Variants in TMEM132D observed in about 807,000 individuals in gnomAD.
TMEM132D encodes the protein mature OL transmembrane protein.
TMEM132D carries 21 observed loss-of-function variants against 62.3 expected under a neutral mutation model. That is an observed-to-expected ratio of 0.34 (90% confidence interval 0.24 to 0.49). TMEM132D has a LOEUF of 0.49. Among genes scored for constraint, TMEM132D ranks in the 20% least tolerant of loss-of-function variants. TMEM132D has a pLI of 0.99. For missense variants in TMEM132D, 1,346 were observed against 1,402.8 expected, an observed-to-expected ratio of 0.96 and a Z score of 0.65; for synonymous variants, 621 against 575.6, an observed-to-expected ratio of 1.08 and a Z score of -1.13.
chr12:129,139,952 G>T (rs1314440672), intron 5 of TMEM132D, among the ~76,000 whole-genome samples: 2 of 151,986 alleles, frequency 1.3e-5, no homozygotes, highest in Admixed American at 1.3e-4. Context: ...CTGGGCTCAA[G>T]CTATCCTCCC....
At chr12:129,147,406 T>C (rs1174277850) in intron 5 of TMEM132D, among the ~76,000 whole-genome samples, 1 of 151,824 alleles carries the variant, frequency 6.6e-6, no homozygotes, top group Non-Finnish European at 1.5e-5. Flanking sequence ...TACGTGAGCA[T>C]AAAAATCCTC....
chr12:129,652,095 C>A (rs11060481), intron 2 of TMEM132D, among the ~76,000 whole-genome samples: 394 of 152,230 alleles, frequency 2.6e-3, no homozygotes, highest in Middle Eastern at 6.8e-3. Flanking sequence ...TGTATAATCT[C>A]CAATAGCACT....
At chr12:129,114,554 A>T (rs568652355) in intron 5 of TMEM132D, among the ~76,000 whole-genome samples, 1 of 152,284 alleles carries the variant, frequency 6.6e-6, no homozygotes, top group East Asian at 1.9e-4. Flanking sequence ...CTAAGTGTAC[A>T]AATCATGAAC....
intron 5 of TMEM132D, among the ~76,000 whole-genome samples, chr12:129,182,479 A>C (rs11060185): frequency 0.43 from 64,927 of 151,580 alleles, 14,184 homozygotes; most frequent in East Asian, 0.57. Flanking sequence ...CTCTGCAGGG[A>C]AGGCTGGTAG....
At chr12:129,656,745 ACTTT>A (rs1880092644) in intron 2 of TMEM132D, among the ~76,000 whole-genome samples, 1 of 152,198 alleles carries the variant, frequency 6.6e-6, no homozygotes, top group African/African-American at 2.4e-5. Flanking sequence ...TGCTTGAAAC[ACTTT>A]TTTTCTTTTG....
intron 1 of TMEM132D, among the ~76,000 whole-genome samples, chr12:129,792,035 G>A (rs1378505984): frequency 1.3e-5 from 2 of 152,180 alleles, no homozygotes; most frequent in Admixed American, 6.5e-5. Flanking sequence ...AGCTTTGGGG[G>A]ATACGTGGAT....
chr12:129,622,111 A>AG (rs1407502416), intron 2 of TMEM132D, among the ~76,000 whole-genome samples: 36 of 152,294 alleles, frequency 2.4e-4, no homozygotes, highest in Admixed American at 9.1e-4. Context: ...TCAGAGACAC[A>AG]CATAAAATCC....
chr12:129,703,345 G>A (rs555136877), intron 1 of TMEM132D, among the ~76,000 whole-genome samples: 10 of 152,280 alleles, frequency 6.6e-5, no homozygotes, highest in Admixed American at 3.9e-4. Context: ...CATTTGAAGG[G>A]AAGTAACTTC....
intron 3 of TMEM132D, among the ~76,000 whole-genome samples, chr12:129,378,978 C>T (rs1870860597): frequency 6.6e-6 from 1 of 152,146 alleles, no homozygotes; most frequent in African/African-American, 2.4e-5. Flanking sequence ...AAGGGGGGGA[C>T]ACTTAATCAG....
At chr12:129,268,354 C>T (rs1410226197) in intron 4 of TMEM132D, among the ~76,000 whole-genome samples, 2 of 152,042 alleles carry the variant, frequency 1.3e-5, no homozygotes, top group African/African-American at 2.4e-5. Flanking sequence ...AACAAACAAC[C>T]CCATCAAAAA....
chr12:129,622,279 T>G (rs1025056951), intron 2 of TMEM132D, among the ~76,000 whole-genome samples: 2 of 152,228 alleles, frequency 1.3e-5, no homozygotes, highest in Non-Finnish European at 2.9e-5. Context: ...GGAGCTTCGG[T>G]GTGGGCGATG....
intron 3 of TMEM132D, among the ~76,000 whole-genome samples, chr12:129,342,113 G>A (rs970632931): frequency 9.2e-5 from 14 of 152,210 alleles, no homozygotes; most frequent in Non-Finnish European, 1.3e-4. Flanking sequence ...AGCCAGCATC[G>A]CCAAGTCAAT....
chr12:129,564,823 G>T (rs1022674708), intron 2 of TMEM132D, among the ~76,000 whole-genome samples: 2 of 152,208 alleles, frequency 1.3e-5, no homozygotes, highest in Admixed American at 6.5e-5. Context: ...CAAAGGCAAT[G>T]ATGGGTATTG....
intron 3 of TMEM132D, among the ~76,000 whole-genome samples, chr12:129,509,254 T>A (rs1436481724): frequency 2.0e-5 from 3 of 152,216 alleles, no homozygotes; most frequent in Non-Finnish European, 2.9e-5. Context: ...GAAATATTAA[T>A]TCACTTTCAA....
chr12:129,498,187 C>T (rs1875017960), intron 3 of TMEM132D, among the ~76,000 whole-genome samples: 1 of 152,108 alleles, frequency 6.6e-6, no homozygotes, highest in African/African-American at 2.4e-5. Context: ...TATCTCCAAG[C>T]ACTGTCAGAA....
At chr12:129,143,982 T>C (rs1876817815) in intron 5 of TMEM132D, among the ~76,000 whole-genome samples, 1 of 152,120 alleles carries the variant, frequency 6.6e-6, no homozygotes, top group African/African-American at 2.4e-5. Flanking sequence ...GACCATCTAA[T>C]TGGGAGCTGA....
At chr12:129,265,477 C>T (rs1880661648) in intron 4 of TMEM132D, among the ~76,000 whole-genome samples, 1 of 152,096 alleles carries the variant, frequency 6.6e-6, no homozygotes, top group African/African-American at 2.4e-5. Flanking sequence ...TCCACCACAC[C>T]CTCTGAAAGA....
At chr12:129,901,882 A>C (rs1203806639) in intron 1 of TMEM132D, among the ~76,000 whole-genome samples, 1 of 150,708 alleles carries the variant, frequency 6.6e-6, no homozygotes, top group Non-Finnish European at 1.5e-5. Flanking sequence ...CCCAAAAAAA[A>C]AATGCTGGGC....
At chr12:129,443,036 C>T (rs955995063) in intron 3 of TMEM132D, among the ~76,000 whole-genome samples, 3 of 152,054 alleles carry the variant, frequency 2.0e-5, no homozygotes, top group Non-Finnish European at 4.4e-5. Context: ...GCCAGGCACC[C>T]TTGCTTCAGG....
Sources: allele counts gnomAD v4.1 joint callset (sites outside exome capture counted in the v4.1 genomes callset), GRCh38; gene constraint gnomAD v4.1.1; transcripts MANE v1.5; gene names NCBI Gene and HGNC (gene_info 2026-07-23, HGNC 2026-07-21).